Variants in JPH2 observed in about 807,000 individuals in gnomAD.
JPH2 encodes junctophilin-2.
In JPH2, 38 loss-of-function variants were observed where a neutral mutation model predicts 55.9. That is an observed-to-expected ratio of 0.68 (90% CI 0.52 to 0.89). The LOEUF (loss-of-function observed/expected upper bound fraction) is 0.89. JPH2 is among the 40% of genes least tolerant of loss of function. The pLI, the probability that JPH2 is intolerant of heterozygous loss-of-function variation, is 0.00. For missense variants in JPH2, 964 were observed against 1,037.6 expected (o/e 0.93, Z 0.97); for synonymous variants, 480 against 472.4 (o/e 1.02, Z -0.21).
At chr20:44,180,477 A>G (rs2072772381) in intron 1 of JPH2, among the ~76,000 whole-genome samples, 2 of 152,148 alleles carry the variant, frequency 1.3e-5, no homozygotes, top group Middle Eastern at 3.4e-3. Flanking sequence ...GACTATAGGC[A>G]TGTGCCACCA....
At chr20:44,156,785 C>T (rs375044558) in intron 2 of JPH2, among the ~76,000 whole-genome samples, 1 of 152,174 alleles carries the variant, frequency 6.6e-6, no homozygotes, top group African/African-American at 2.4e-5. Context: ...GTTACAATGA[C>T]AATTAAATTT....
intron 2 of JPH2, among the ~76,000 whole-genome samples, chr20:44,132,344 GCAGA>G (rs753004976): frequency 2.1e-4 from 15 of 72,950 alleles, no homozygotes; most frequent in African/African-American, 2.8e-4. Flanking sequence ...TGGAAGGGAG[GCAGA>G]CAGACAGACA....
intron 2 of JPH2, among the ~76,000 whole-genome samples, chr20:44,121,398 A>C (rs2072234955): frequency 1.3e-5 from 2 of 152,156 alleles, no homozygotes; most frequent in South Asian, 4.1e-4. Context: ...GGCGCACGGT[A>C]AGGGGGATAA....
chr20:44,160,508 G>C lies in JPH2; in HGVS notation c.380-101C>G, dbSNP rs1366016141. On this transcript the variant is annotated intron_variant, in intron 1 of 5. Coordinates refer to ENST00000372980, the MANE Select transcript of JPH2 (RefSeq NM_020433.5). This position sits in a 1 kb window ranked among gnomAD's most constrained non-coding sequence, Gnocchi z 4.9. ...GGGCGGGAGTGGGCAAGGCGGGGTG[G>C]GACCGAGAGGCGCAAGGCCGTCTGA... is the stretch of plus-strand genomic sequence containing the variant. 3 of 1,255,408 alleles carry C rather than the reference G, an allele frequency of 2.4e-6. No homozygotes were observed. In the Admixed American group the frequency reaches 5.8e-5, roughly 24 times the overall value. 77.8% of individuals were successfully genotyped at this position (1,255,408 alleles called of 1,614,324 possible). A position where few individuals can be genotyped will look rare whatever the true frequency, so the allele number is the denominator to read the frequency against.
intron 1 of JPH2, among the ~76,000 whole-genome samples, chr20:44,184,199 G>A (rs2072811925): frequency 6.6e-6 from 1 of 152,042 alleles, no homozygotes; most frequent in African/African-American, 2.4e-5. Flanking sequence ...AAATACTTTG[G>A]GTTTTGCAGG....
chr20:44,134,815 AAAT>A (rs1401901214), intron 2 of JPH2, among the ~76,000 whole-genome samples: 1 of 109,304 alleles, frequency 9.1e-6, no homozygotes, highest in Non-Finnish European at 1.7e-5. Context: ...AAATATATAT[AAAT>A]ATTTATAAAT....
At chr20:44,118,006 A>G (rs931708123) in intron 3 of JPH2, among the ~76,000 whole-genome samples, 4 of 152,190 alleles carry the variant, frequency 2.6e-5, no homozygotes, top group Non-Finnish European at 5.9e-5. Flanking sequence ...GCTGGGAAGC[A>G]GCGGAATCAG....
rs1282585162 is a variant in JPH2, at chr20:44,160,487, G to A, written c.380-80C>T. 6 of 1,483,066 alleles carry A rather than the reference G, an allele frequency of 4.0e-6. No individual in the cohort carries two copies. In the Admixed American group the frequency reaches 1.1e-4, roughly 27 times the overall value. The allele number at this position is 1,483,066 out of a possible 1,614,324, so 91.9% of individuals were successfully genotyped here. ...CACGGTGGCCTGGGAGGGCAAGGGC[G>A]GGAGTGGGCAAGGCGGGGTGGGACC... On this transcript the variant is annotated intron_variant, in intron 1 of 5. Transcript: ENST00000372980. This position sits in a 1 kb window ranked among gnomAD's most constrained non-coding sequence, Gnocchi z 4.9.
intron 2 of JPH2, among the ~76,000 whole-genome samples, chr20:44,134,353 A>T (rs1383795963): frequency 3.9e-4 from 3 of 7,604 alleles, no homozygotes; most frequent in Non-Finnish European, 5.6e-4. Flanking sequence ...ATTTATTATA[A>T]ATATATATAT....
At chr20:44,136,340 C>CG (rs1569196757) in intron 2 of JPH2, among the ~76,000 whole-genome samples, 1 of 152,102 alleles carries the variant, frequency 6.6e-6, no homozygotes, top group Non-Finnish European at 1.5e-5. Context: ...CGTGCTCCTG[C>CG]AGGGGGACGA....
In JPH2 at chr20:44,108,760, G is replaced by C. The variant is rs2072123304; in HGVS notation, c.*4758C>G. Among the ~76,000 whole-genome samples, 1 of 152,118 alleles carries C rather than the reference G, an allele frequency of 6.6e-6. No homozygotes were observed. Among genetic ancestry groups the C allele is most frequent in the Non-Finnish European group, 1.5e-5 (1 of 68,020 alleles). On this transcript the variant is annotated 3_prime_UTR_variant, in exon 6 of 6. Coordinates refer to ENST00000372980, the MANE Select transcript of JPH2 (RefSeq NM_020433.5). Reference sequence around the variant, plus strand: ...CCTGGCATCTGTTGCCGTACATGAGGGTCTCACCTGCAGTTGGTCTGTGGA... The same window carrying C: ...CCTGGCATCTGTTGCCGTACATGAGCGTCTCACCTGCAGTTGGTCTGTGGA...
chr20:44,146,021 T>G (rs1431626371), intron 2 of JPH2, among the ~76,000 whole-genome samples: 2 of 151,352 alleles, frequency 1.3e-5, no homozygotes, highest in Non-Finnish European at 2.9e-5. Flanking sequence ...CCAAAATGCA[T>G]GGTCACCATT....
At chr20:44,180,797 G>A (rs2072775587) in intron 1 of JPH2, among the ~76,000 whole-genome samples, 1 of 152,054 alleles carries the variant, frequency 6.6e-6, no homozygotes, top group Non-Finnish European at 1.5e-5. Context: ...TTCACATCAC[G>A]CCTGAAGTTT....
intron 1 of JPH2, among the ~76,000 whole-genome samples, chr20:44,181,960 A>T (rs1365947143): frequency 6.6e-6 from 1 of 152,244 alleles, no homozygotes; most frequent in Non-Finnish European, 1.5e-5. Flanking sequence ...GGCTAGCTGC[A>T]TCGGAGTCCC....
intron 1 of JPH2, among the ~76,000 whole-genome samples, chr20:44,180,221 AAAAT>A (rs1259940290): frequency 6.6e-6 from 1 of 152,236 alleles, no homozygotes; most frequent in African/African-American, 2.4e-5. Flanking sequence ...TCCGTCTCAA[AAAAT>A]AAATAAATAA....
At chr20:44,116,446 G>C in intron 3 of JPH2, 60 bp from the exon 4 acceptor site, 1 of 1,533,592 alleles carries the variant, frequency 6.5e-7, no homozygotes, top group Non-Finnish European at 8.8e-7. Context: ...GGTGATCCTG[G>C]GCCAGCCACT....
chr20:44,124,262 C>G (rs1259065487), intron 2 of JPH2, among the ~76,000 whole-genome samples: 1 of 152,052 alleles, frequency 6.6e-6, no homozygotes, highest in African/African-American at 2.4e-5. Context: ...TCCCAGTTGT[C>G]TCCACTAGGC....
At chr20:44,145,540 G>A (rs1410434273) in intron 2 of JPH2, among the ~76,000 whole-genome samples, 4 of 151,164 alleles carry the variant, frequency 2.6e-5, no homozygotes, top group African/African-American at 9.7e-5. Context: ...GGAGGAGGAG[G>A]CTGCAATAAG....
At chr20:44,169,289 G>C (rs1281978328) in intron 1 of JPH2, among the ~76,000 whole-genome samples, 2 of 150,918 alleles carry the variant, frequency 1.3e-5, no homozygotes, top group Non-Finnish European at 2.9e-5. Flanking sequence ...CAATTCTCCT[G>C]CCTCAGCCTC....
Sources: gnomAD v4.1 joint callset for allele counts (sites outside exome capture counted in the v4.1 genomes callset) on GRCh38, gnomAD v4.1.1 for gene constraint, Gnocchi (gnomAD v3.1) non-coding constraint, MANE v1.5 for transcripts, NCBI Gene and HGNC (gene_info 2026-07-23, HGNC 2026-07-21) for gene names.